Variants in ERBB4 observed in about 807,000 individuals in gnomAD.
ERBB4 encodes the protein receptor tyrosine-protein kinase erbB-4.
A neutral mutation model predicts 158.0 loss-of-function variants in ERBB4; 42 were observed. The observed-to-expected ratio is 0.27, with a 90% CI of 0.21 to 0.34. The LOEUF (loss-of-function observed/expected upper bound fraction) is 0.34, where lower values mean the gene tolerates loss of function less well. ERBB4 is among the 10% of genes least tolerant of loss of function. ERBB4 has a pLI of 1.00. For synonymous variants in ERBB4, 583 were observed against 558.7 expected (o/e 1.04, Z -0.61); for missense variants, 1,333 against 1,624.1 (o/e 0.82, Z 3.08).
intron 3 of ERBB4, among the ~76,000 whole-genome samples, chr2:211,879,459 G>A (rs1421305295): frequency 1.3e-5 from 2 of 152,192 alleles, no homozygotes; most frequent in Admixed American, 6.5e-5. Flanking sequence ...TATATCCTAT[G>A]TCTTCATCTA....
At chr2:212,240,106 G>A (rs1280108728) in intron 1 of ERBB4, among the ~76,000 whole-genome samples, 3 of 152,082 alleles carry the variant, frequency 2.0e-5, no homozygotes, top group Non-Finnish European at 4.4e-5. Context: ...AATTAAATGC[G>A]TCTTATTTGA....
chr2:212,046,731 A>G (rs946323445), intron 2 of ERBB4, among the ~76,000 whole-genome samples: 1 of 152,192 alleles, frequency 6.6e-6, no homozygotes, highest in African/African-American at 2.4e-5. Flanking sequence ...CAAATCTATC[A>G]GATGTAATGG....
chr2:212,008,399 C>A (rs1171440524), intron 2 of ERBB4, among the ~76,000 whole-genome samples: 1 of 151,992 alleles, frequency 6.6e-6, no homozygotes, highest in Non-Finnish European at 1.5e-5. Context: ...TCTTCCTTAT[C>A]ATATTATCAT....
At chr2:211,932,438 G>A (rs1008447524) in intron 3 of ERBB4, among the ~76,000 whole-genome samples, 2 of 151,934 alleles carry the variant, frequency 1.3e-5, no homozygotes, top group Non-Finnish European at 2.9e-5. Flanking sequence ...TTTATGGATT[G>A]TCAACTGTTT....
chr2:211,524,368 C>A (rs12476950), intron 20 of ERBB4, among the ~76,000 whole-genome samples: 44,575 of 151,832 alleles, frequency 0.29, 7,582 homozygotes, highest in East Asian at 0.62. Context: ...AGTCCCACGC[C>A]ATGCGCCCAC....
chr2:211,534,866 T>C (rs2066601291), intron 20 of ERBB4, among the ~76,000 whole-genome samples: 1 of 152,056 alleles, frequency 6.6e-6, no homozygotes. Context: ...CCCTGTGGGT[T>C]TGAACGCTGG....
intron 2 of ERBB4, among the ~76,000 whole-genome samples, chr2:212,062,399 CTTTTTTTTTTTTTTT>C (rs199535512): frequency 3.7e-5 from 3 of 81,302 alleles, no homozygotes; most frequent in Non-Finnish European, 4.9e-5. Flanking sequence ...CTTGTCAATT[CTTTTTTTTTTTTTTT>C]TTTTTTTTTT....
chr2:212,265,119 A>G (rs1354743225), intron 1 of ERBB4, among the ~76,000 whole-genome samples: 1 of 152,128 alleles, frequency 6.6e-6, no homozygotes, highest in African/African-American at 2.4e-5. Flanking sequence ...TTCAGTGCTC[A>G]GGACACTACA....
At chr2:211,465,958 G>A (rs1387219845) in intron 20 of ERBB4, among the ~76,000 whole-genome samples, 1 of 152,034 alleles carries the variant, frequency 6.6e-6, no homozygotes, top group East Asian at 1.9e-4. Context: ...AGCTAAGTTC[G>A]GAATAAACAA....
intron 1 of ERBB4, among the ~76,000 whole-genome samples, chr2:212,282,522 T>A (rs544898303): frequency 6.6e-6 from 1 of 152,070 alleles, no homozygotes; most frequent in African/African-American, 2.4e-5. Flanking sequence ...ACCTCGAGTG[T>A]GTCCATCATA....
At chr2:211,445,737 A>G (rs940279545) in intron 20 of ERBB4, among the ~76,000 whole-genome samples, 2 of 152,182 alleles carry the variant, frequency 1.3e-5, no homozygotes, top group African/African-American at 4.8e-5. Context: ...GCAAAACAAC[A>G]CAAAATTAGG....
intron 1 of ERBB4, among the ~76,000 whole-genome samples, chr2:212,284,775 T>C (rs1278458086): frequency 2.0e-5 from 3 of 149,564 alleles, no homozygotes; most frequent in Non-Finnish European, 4.5e-5. Context: ...TTTTCCTTTG[T>C]AACCTGACCA....
At chr2:212,166,057 A>AT (rs61415649) in intron 1 of ERBB4, among the ~76,000 whole-genome samples, 31,176 of 150,660 alleles carry the variant, frequency 0.21, 3,552 homozygotes, top group South Asian at 0.34. Flanking sequence ...CATCACAATC[A>AT]TTTTTTTTTC....
At chr2:212,230,008 G>C (rs1015752892) in intron 1 of ERBB4, among the ~76,000 whole-genome samples, 1 of 152,220 alleles carries the variant, frequency 6.6e-6, no homozygotes, top group Non-Finnish European at 1.5e-5. Context: ...ACAACCGCCA[G>C]GTGCGGTGGT....
chr2:211,899,414 C>A (rs2125027184), intron 3 of ERBB4, among the ~76,000 whole-genome samples: 1 of 152,058 alleles, frequency 6.6e-6, no homozygotes, highest in South Asian at 2.1e-4. Context: ...ATTCATCTAC[C>A]AGTAACATTT....
intron 3 of ERBB4, among the ~76,000 whole-genome samples, chr2:211,945,502 ACAAT>A (rs146268522): frequency 0.067 from 10,137 of 152,188 alleles, 668 homozygotes; most frequent in East Asian, 0.28. Flanking sequence ...ATTTTTCTAA[ACAAT>A]CAACTCATTC....
intron 2 of ERBB4, among the ~76,000 whole-genome samples, chr2:212,123,124 G>T (rs911984969): frequency 2.0e-5 from 3 of 152,140 alleles, no homozygotes; most frequent in Non-Finnish European, 4.4e-5. Context: ...CTTTTGGGCC[G>T]GGCGCGGTGG....
At chr2:211,956,918 T>G (rs2081050787) in intron 2 of ERBB4, among the ~76,000 whole-genome samples, 1 of 152,066 alleles carries the variant, frequency 6.6e-6, no homozygotes, top group East Asian at 1.9e-4. Flanking sequence ...CACTGCAGTC[T>G]TGAACTCTGG....
At chr2:212,343,979 A>G (rs1302608997) in intron 1 of ERBB4, among the ~76,000 whole-genome samples, 1 of 152,178 alleles carries the variant, frequency 6.6e-6, no homozygotes, top group African/African-American at 2.4e-5. Context: ...TAATTGCTTT[A>G]TCTTAAAAGC....
Sources: allele counts gnomAD v4.1 joint callset (sites outside exome capture counted in the v4.1 genomes callset), GRCh38; gene constraint gnomAD v4.1.1; transcripts MANE v1.5; gene names NCBI Gene and HGNC (gene_info 2026-07-23, HGNC 2026-07-21).